Variants in MARCHF1 observed in about 807,000 individuals in gnomAD.
MARCHF1 encodes the protein E3 ubiquitin-protein ligase MARCHF1.
MARCHF1 carries 40 observed loss-of-function variants against 54.2 expected under a neutral mutation model. That is an observed-to-expected ratio of 0.74 (90% confidence interval 0.57 to 0.96). MARCHF1 has a LOEUF of 0.96. MARCHF1 is among the 40% of genes least tolerant of loss of function. The probability of loss-of-function intolerance (pLI) is 0.00; values close to 1 mark genes in which losing one functional copy is unlikely to be tolerated. For missense variants in MARCHF1, 586 were observed against 656.5 expected (o/e 0.89, Z 1.17); for synonymous variants, 236 against 236.3 (o/e 1.00, Z 0.01).
At chr4:163,904,442 T>A (rs1751011317) in intron 3 of MARCHF1, among the ~76,000 whole-genome samples, 1 of 152,148 alleles carries the variant, frequency 6.6e-6, no homozygotes, top group African/African-American at 2.4e-5. Flanking sequence ...ATGGGACAGG[T>A]GCTGAGTGTT....
intron 5 of MARCHF1, among the ~76,000 whole-genome samples, chr4:163,617,949 T>G (rs1741567388): frequency 1.3e-5 from 2 of 152,170 alleles, no homozygotes; most frequent in Non-Finnish European, 2.9e-5. Flanking sequence ...AACAAATGTA[T>G]GTTTTACAAT....
At chr4:163,920,004 T>C (rs1330423395) in intron 3 of MARCHF1, among the ~76,000 whole-genome samples, 1 of 152,212 alleles carries the variant, frequency 6.6e-6, no homozygotes, top group Non-Finnish European at 1.5e-5. Flanking sequence ...ATTGCATTTC[T>C]TTACATTAAA....
chr4:164,167,507 A>G (rs1391517602), intron 1 of MARCHF1, among the ~76,000 whole-genome samples: 2 of 151,902 alleles, frequency 1.3e-5, no homozygotes, highest in South Asian at 2.1e-4. Flanking sequence ...AGTTGGAGAC[A>G]TCAACTTCCT....
At chr4:164,207,088 T>C (rs1311654457) in intron 1 of MARCHF1, among the ~76,000 whole-genome samples, 1 of 152,208 alleles carries the variant, frequency 6.6e-6, no homozygotes, top group Non-Finnish European at 1.5e-5. Context: ...CAATAGAAAG[T>C]TCTTTTCCTC....
In MARCHF1 at chr4:163,894,830, T is replaced by TACATGCATGTGATGCATATATAC. The variant is rs767058291; in HGVS notation, c.-38-40662_-38-40661insGTATATATGCATCACATGCATGT. 1.3e-4 allele frequency among the ~76,000 whole-genome samples: 3 copies of TACATGCATGTGATGCATATATAC among 22,480 alleles called. 1 individual carries two copies. The highest frequency in any genetic ancestry group is 6.9e-3 in the South Asian group (2 of 288). The allele number at this position is 22,480 out of a possible 152,430, so 14.7% of individuals were successfully genotyped here. A position where few individuals can be genotyped will look rare whatever the true frequency, so the allele number is the denominator to read the frequency against. On this transcript the variant is annotated intron_variant, in intron 3 of 9. Coordinates refer to ENST00000514618, the MANE Select transcript of MARCHF1 (RefSeq NM_001394959.1). The stretch of plus-strand genomic sequence containing the variant: ...TATACATGCATGTGATGCATATATA[T>TACATGCATGTGATGCATATATAC]ATGCATGTGATGCATATATATATGC...
intron 1 of MARCHF1, among the ~76,000 whole-genome samples, chr4:164,140,418 A>C (rs1756503926): frequency 6.6e-6 from 1 of 152,006 alleles, no homozygotes; most frequent in Middle Eastern, 3.2e-3. Context: ...GATAGTATCA[A>C]GGAGCTGAAA....
intron 2 of MARCHF1, among the ~76,000 whole-genome samples, chr4:164,084,025 T>C (rs1370482906): frequency 1.3e-5 from 2 of 152,026 alleles, no homozygotes; most frequent in Non-Finnish European, 2.9e-5. Context: ...GTAAGGTCCC[T>C]AAAAATCACT....
intron 3 of MARCHF1, among the ~76,000 whole-genome samples, chr4:163,982,715 C>G (rs1208476269): frequency 6.6e-6 from 1 of 152,150 alleles, no homozygotes. Context: ...CTATGTTCTG[C>G]CTATTTCCAA....
At chr4:164,065,995 G>A (rs762388165) in intron 2 of MARCHF1, among the ~76,000 whole-genome samples, 1 of 152,132 alleles carries the variant, frequency 6.6e-6, no homozygotes, top group African/African-American at 2.4e-5. Context: ...TCCTCACCCA[G>A]TCCACTGACT....
intron 5 of MARCHF1, among the ~76,000 whole-genome samples, chr4:163,634,349 C>A (rs1384353872): frequency 6.7e-6 from 1 of 150,084 alleles, no homozygotes; most frequent in Admixed American, 6.6e-5. Context: ...ATTCAGGAAA[C>A]CCATCTCATG....
chr4:163,546,211 AG>A (rs1164840826), intron 8 of MARCHF1, among the ~76,000 whole-genome samples: 12 of 152,238 alleles, frequency 7.9e-5, no homozygotes, highest in African/African-American at 2.6e-4. Context: ...CCTGAGCTCA[AG>A]TAATCCACCC....
chr4:163,986,246 C>CTTTTTTTTTTTTTTTTTTTTTT lies in MARCHF1; in HGVS notation c.-39+2254_-39+2255insAAAAAAAAAAAAAAAAAAAAAA, dbSNP rs1752861022. 2.0e-4 allele frequency among the ~76,000 whole-genome samples: 15 copies of CTTTTTTTTTTTTTTTTTTTTTT among 73,774 alleles called. 2 individuals carry two copies. Among genetic ancestry groups the CTTTTTTTTTTTTTTTTTTTTTT allele is most frequent in the Non-Finnish European group, 3.3e-4 (12 of 36,396 alleles). The allele number at this position is 73,774 out of a possible 152,430, so 48.4% of individuals were successfully genotyped here. A position where few individuals can be genotyped will look rare whatever the true frequency, so the allele number is the denominator to read the frequency against. Reference sequence around the variant, plus strand: ...CCTTTCCTTTTCTCCTAATTAACCTCTTCTTTTTTTTTTTTTTTTTTTTTT... The same window carrying CTTTTTTTTTTTTTTTTTTTTTT: ...CCTTTCCTTTTCTCCTAATTAACCTCTTTTTTTTTTTTTTTTTTTTTTTTCTTTTTTTTTTTTTTTTTTTTTT... On this transcript the variant is annotated intron_variant, in intron 3 of 9. Coordinates refer to ENST00000514618, the MANE Select transcript of MARCHF1 (RefSeq NM_001394959.1).
chr4:163,817,130 G>A (rs1266235106), intron 4 of MARCHF1, among the ~76,000 whole-genome samples: 11 of 151,792 alleles, frequency 7.2e-5, no homozygotes, highest in Admixed American at 4.6e-4. Context: ...TTTTGGAAAC[G>A]CCCATAAGAT....
chr4:164,227,985 G>A (rs1579640195), intron 1 of MARCHF1, among the ~76,000 whole-genome samples: 1 of 152,024 alleles, frequency 6.6e-6, no homozygotes, highest in East Asian at 1.9e-4. Context: ...CATAATCTAT[G>A]ACCCAAGAAT....
intron 9 of MARCHF1, among the ~76,000 whole-genome samples, chr4:163,544,210 T>G (rs1738816650): frequency 6.6e-6 from 1 of 152,214 alleles, no homozygotes; most frequent in Non-Finnish European, 1.5e-5. Context: ...CTCAGGGAAC[T>G]TATTTAATAA....
intron 1 of MARCHF1, among the ~76,000 whole-genome samples, chr4:164,312,505 G>A (rs1467786561): frequency 2.0e-5 from 3 of 151,578 alleles, no homozygotes; most frequent in Non-Finnish European, 4.4e-5. Context: ...TGTATATTTA[G>A]TAGAGACAGG....
intron 4 of MARCHF1, among the ~76,000 whole-genome samples, chr4:163,747,939 C>T (rs1047365955): frequency 6.6e-6 from 1 of 152,138 alleles, no homozygotes; most frequent in African/African-American, 2.4e-5. Flanking sequence ...AGAGCAGCCC[C>T]GAGAAGCTGG....
chr4:164,254,250 C>T (rs1733204529), intron 1 of MARCHF1, among the ~76,000 whole-genome samples: 1 of 151,394 alleles, frequency 6.6e-6, no homozygotes, highest in South Asian at 2.1e-4. Flanking sequence ...TGGGATTTCT[C>T]TATGCTGGCC....
At chr4:164,052,616 G>T (rs1432789828) in intron 2 of MARCHF1, among the ~76,000 whole-genome samples, 2 of 152,070 alleles carry the variant, frequency 1.3e-5, no homozygotes, top group African/African-American at 4.8e-5. Flanking sequence ...TAAGCTCAAG[G>T]CTACTTACTT....
Sources: gnomAD v4.1 joint callset for allele counts (sites outside exome capture counted in the v4.1 genomes callset) on GRCh38, gnomAD v4.1.1 for gene constraint, MANE v1.5 for transcripts, NCBI Gene and HGNC (gene_info 2026-07-23, HGNC 2026-07-21) for gene names.